The following EPC2 variants were observed in gnomAD, a reference collection of about 807,000 sequenced individuals.
The protein encoded by EPC2 is enhancer of polycomb 2.
Under a neutral mutation model 92.1 loss-of-function variants are expected in EPC2, and 14 were observed. That is an observed-to-expected ratio of 0.15 (90% CI 0.10 to 0.24). The LOEUF (loss-of-function observed/expected upper bound fraction) is 0.24, where lower values mean the gene tolerates loss of function less well. EPC2 is among the 10% of genes least tolerant of loss of function. The pLI is 1.00. For synonymous variants in EPC2, 340 were observed against 334.7 expected (o/e 1.02, Z -0.17); for missense variants, 755 against 971.5 (o/e 0.78, Z 2.96).
intron 7 of EPC2, among the ~76,000 whole-genome samples, chr2:148,766,638 T>C (rs1683414780): frequency 6.6e-6 from 1 of 152,126 alleles, no homozygotes; most frequent in African/African-American, 2.4e-5. Context: ...CACAGCATAT[T>C]AGAGGGAACT....
At chr2:148,657,881 A>ATT (rs1175977559) in intron 1 of EPC2, among the ~76,000 whole-genome samples, 1 of 142,182 alleles carries the variant, frequency 7.0e-6, no homozygotes, top group Middle Eastern at 3.6e-3. Context: ...ACTATCACTC[A>ATT]TTTTGTGTGT....
At chr2:148,653,939 CTTTTTTTTTTGTTT>C (rs995169040) in intron 1 of EPC2, among the ~76,000 whole-genome samples, 3 of 142,228 alleles carry the variant, frequency 2.1e-5, no homozygotes, top group Admixed American at 7.3e-5. Flanking sequence ...TTAAAGATTA[CTTTTTTTTTTGTTT>C]TTTTTTTTTT....
chr2:148,657,173 C>T (rs188297069), intron 1 of EPC2, among the ~76,000 whole-genome samples: 11 of 151,926 alleles, frequency 7.2e-5, no homozygotes, highest in Admixed American at 3.9e-4. Context: ...GAAACTGTTA[C>T]GGAGGATGGA....
chr2:148,727,530 ATATT>A (rs1682523440), intron 2 of EPC2, among the ~76,000 whole-genome samples: 4 of 152,076 alleles, frequency 2.6e-5, no homozygotes. Flanking sequence ...TTTCTATGAC[ATATT>A]TATTATTTTA....
At chr2:148,691,957 T>C (rs1389690668) in intron 2 of EPC2, 3 of 380,110 alleles carry the variant, frequency 7.9e-6, no homozygotes, top group Non-Finnish European at 1.5e-5. Flanking sequence ...ATAGTAATGT[T>C]GTGTCTTTTA....
intron 2 of EPC2, among the ~76,000 whole-genome samples, chr2:148,725,341 G>GT (rs1036427884): frequency 2.0e-5 from 3 of 151,890 alleles, no homozygotes; most frequent in East Asian, 3.9e-4. Context: ...TTTGCTTTCT[G>GT]TTTTTTTAAC....
chr2:148,685,725 C>T (rs986298072), intron 1 of EPC2, among the ~76,000 whole-genome samples: 2 of 152,178 alleles, frequency 1.3e-5, no homozygotes, highest in Non-Finnish European at 2.9e-5. Context: ...CAAGATTGCG[C>T]CACTGCACTC....
chr2:148,734,778 G>A, intron 2 of EPC2, among the ~76,000 whole-genome samples: 1 of 149,814 alleles, frequency 6.7e-6, no homozygotes, highest in South Asian at 2.1e-4. Flanking sequence ...TCTACAGTAT[G>A]TATATAACTT....
At chr2:148,755,479 G>A (rs1056502076) in intron 4 of EPC2, among the ~76,000 whole-genome samples, 1 of 152,046 alleles carries the variant, frequency 6.6e-6, no homozygotes, top group Non-Finnish European at 1.5e-5. Flanking sequence ...TCATATATAT[G>A]TTGCATAACA....
chr2:148,675,088 A>G (rs1443384010), intron 1 of EPC2, among the ~76,000 whole-genome samples: 5 of 151,822 alleles, frequency 3.3e-5, no homozygotes, highest in African/African-American at 1.2e-4. Flanking sequence ...TTATTTCTCT[A>G]TTTATCTAAT....
intron 2 of EPC2, among the ~76,000 whole-genome samples, chr2:148,697,511 A>G (rs1002559652): frequency 2.6e-5 from 4 of 152,198 alleles, no homozygotes; most frequent in African/African-American, 9.7e-5. Flanking sequence ...TGAGAGTAAT[A>G]CAAGCACACA....
Position 148,784,674 on chromosome 2 carries a change from C to T in EPC2, c.2024C>T (p.Ser675Phe), listed in dbSNP as rs2105443170. Residue 675 changes from serine to phenylalanine, a missense_variant, in exon 13 of 14, where the codon TCT (serine) becomes TTT (phenylalanine). By Grantham distance (155) the Ser-to-Phe change is radical (BLOSUM62 -2). This residue lies in a region of EPC2 where 207 missense variants were observed against 260.5 expected (regional missense o/e 0.79). Transcript: ENST00000258484. ...TGACTTCTTTCTTTTTCAGGAACCTCTAAAACATTATACTCCACCAATATG... is the reference window on the plus strand; with the variant it reads ...TGACTTCTTTCTTTTTCAGGAACCTTTAAAACATTATACTCCACCAATATG... ...INGVVQPSGT[S>F]KTLYSTNMAL... 1.9e-6 allele frequency: 3 copies of T among 1,596,290 alleles called. No individual in the cohort carries two copies. Among genetic ancestry groups the T allele is most frequent in the Middle Eastern group, 3.4e-4 (2 of 5,928 alleles).
At chr2:148,748,574 A>C (rs1683029773) in intron 3 of EPC2, among the ~76,000 whole-genome samples, 1 of 152,090 alleles carries the variant, frequency 6.6e-6, no homozygotes, top group Non-Finnish European at 1.5e-5. Context: ...GTTTTAGATT[A>C]TTTCACATTT....
intron 10 of EPC2, among the ~76,000 whole-genome samples, chr2:148,780,974 A>G (rs1683736457): frequency 6.6e-6 from 1 of 152,192 alleles, no homozygotes; most frequent in Non-Finnish European, 1.5e-5. Flanking sequence ...TTCATTTGAA[A>G]CACACTTTTA....
intron 1 of EPC2, among the ~76,000 whole-genome samples, chr2:148,675,225 A>G (rs1273606310): frequency 6.6e-6 from 1 of 151,406 alleles, no homozygotes; most frequent in Admixed American, 6.6e-5. Context: ...CTTTTCTTCC[A>G]TTTATGAGTA....
At chr2:148,760,408 C>T (rs1683280413) in intron 4 of EPC2, among the ~76,000 whole-genome samples, 1 of 152,162 alleles carries the variant, frequency 6.6e-6, no homozygotes, top group African/African-American at 2.4e-5. Flanking sequence ...GGCATGTAAC[C>T]TCATATTATT....
intron 2 of EPC2, among the ~76,000 whole-genome samples, chr2:148,728,972 C>T (rs940979138): frequency 1.6e-5 from 2 of 126,688 alleles, no homozygotes; most frequent in African/African-American, 6.1e-5. Context: ...GCGGAGTTTG[C>T]AGTGAGGCAA....
At chr2:148,706,196 G>A (rs933102396) in intron 2 of EPC2, among the ~76,000 whole-genome samples, 20 of 152,246 alleles carry the variant, frequency 1.3e-4, no homozygotes, top group South Asian at 2.1e-4. Flanking sequence ...CGAGAGCTTC[G>A]TGATGCATTC....
intron 2 of EPC2, among the ~76,000 whole-genome samples, chr2:148,712,231 TTGTGTGTGTGGGGGTGTG>T (rs1162026722): frequency 6.6e-6 from 1 of 151,754 alleles, no homozygotes; most frequent in Admixed American, 6.6e-5. Context: ...ATCATACTGT[TTGTGTGTGTGGGGGTGTG>T]TGTGTGTGTG....
Sources: allele counts gnomAD v4.1 joint callset (sites outside exome capture counted in the v4.1 genomes callset), GRCh38; gene constraint gnomAD v4.1.1; regional missense constraint gnomAD v4.1.1; transcripts MANE v1.5; gene names NCBI Gene and HGNC (gene_info 2026-07-23, HGNC 2026-07-21).